The following PHF8 variants were observed in gnomAD, a reference collection of about 807,000 sequenced individuals.
PHF8 encodes PHD finger protein 8.
In PHF8, 9 loss-of-function variants were observed where a neutral mutation model predicts 74.4. The observed-to-expected ratio is 0.12, with a 90% CI of 0.07 to 0.21. The LOEUF (loss-of-function observed/expected upper bound fraction) is 0.21. Among genes scored for constraint, PHF8 ranks in the 10% least tolerant of loss-of-function variants. PHF8 has a pLI of 1.00. For missense variants in PHF8, 478 were observed against 816.6 expected, an observed-to-expected ratio of 0.59 and a Z score of 5.05; for synonymous variants, 311 against 316.6, an observed-to-expected ratio of 0.98 and a Z score of 0.19.
At chrX:54,037,815 C>CA (rs1285166463) in intron 2 of PHF8, among the ~76,000 whole-genome samples, 2 of 112,592 alleles carry the variant, frequency 1.8e-5, no homozygotes, top group East Asian at 5.5e-4. Flanking sequence ...GAGTGGAACA[C>CA]TAGCTTGTGC....
intron 14 of PHF8, among the ~76,000 whole-genome samples, chrX:53,991,384 G>A (rs1263487608): frequency 1.8e-5 from 2 of 111,256 alleles, no homozygotes; most frequent in Non-Finnish European, 3.8e-5. Flanking sequence ...TAACAAGGCC[G>A]GGCATGTTGG....
chrX:54,026,433 T>G (rs1292648054), intron 2 of PHF8, among the ~76,000 whole-genome samples: 2 of 109,714 alleles, frequency 1.8e-5, no homozygotes, highest in Non-Finnish European at 3.8e-5. Context: ...TCTCTCATTA[T>G]CTACTGTGGC....
At chrX:53,955,704 G>C (rs1557088536) in intron 19 of PHF8, among the ~76,000 whole-genome samples, 1 of 109,256 alleles carries the variant, frequency 9.2e-6, no homozygotes, top group Non-Finnish European at 1.9e-5. Context: ...GAATGCCTTA[G>C]TAGAATGCAT....
At chrX:54,037,447 A>G (rs2066483598) in intron 2 of PHF8, among the ~76,000 whole-genome samples, 1 of 111,273 alleles carries the variant, frequency 9.0e-6, no homozygotes, top group Non-Finnish European at 1.9e-5. Flanking sequence ...GGGTTTTACC[A>G]TGTTGCCCAG....
rs189850780 is a variant in PHF8, at chrX:54,035,633, C to T, written c.98+6998G>A. Among the ~76,000 whole-genome samples the T allele has an allele frequency of 2.7e-5, 3 of 109,739 alleles. No individual in the cohort carries two copies. The Admixed American group carries it at 2.9e-4, about 11-fold the overall frequency. On this transcript the variant is annotated intron_variant, in intron 2 of 21. Transcript: ENST00000338154. ...ACCACCAACCTACACCCACACCCTC[C>T]CCACACAAAAAATTTTAAAAATTAG...
At chrX:54,046,864 T>C (rs2066637272), upstream of PHF8, among the ~76,000 whole-genome samples, 2 of 111,405 alleles carry the variant, frequency 1.8e-5, no homozygotes, top group Non-Finnish European at 1.9e-5. Context: ...AATTTTTAAA[T>C]AACAAATATC....
Position 53,938,233 on chromosome X carries a change from C to T in PHF8, c.*925G>A. The T allele has an allele frequency of 9.5e-7, 1 of 1,048,307 alleles. No homozygotes were observed. The highest frequency in any genetic ancestry group is 1.2e-6 in the Non-Finnish European group (1 of 818,554). 86.4% of individuals were successfully genotyped at this position (1,048,307 alleles called of 1,213,427 possible). ...TGCTCTGTGGTATAGGCGGAGCAAG[C>T]AGGCTGTAGGGCCAGGGTTATCTGC... On this transcript the variant is annotated 3_prime_UTR_variant, in exon 22 of 22. Coordinates refer to ENST00000338154, the MANE Select transcript of PHF8 (RefSeq NM_015107.3).
intron 2 of PHF8, among the ~76,000 whole-genome samples, chrX:54,035,272 G>A (rs781792304): frequency 1.9e-4 from 20 of 106,238 alleles, no homozygotes; most frequent in Non-Finnish European, 3.5e-4. Flanking sequence ...TGGGAGAATC[G>A]CTTGAACCCA....
At chrX:54,014,247 G>A (rs1252485466) in intron 7 of PHF8, 130 bp downstream of exon 7, 13 of 531,332 alleles carry the variant, frequency 2.4e-5, no homozygotes, top group African/African-American at 2.3e-5. Flanking sequence ...GAGCCACCGC[G>A]CCCGGCCAAA....
At chrX:53,943,152 T>C in intron 20 of PHF8, 2 of 856,989 alleles carry the variant, frequency 2.3e-6, no homozygotes, top group South Asian at 6.6e-5. Flanking sequence ...TATAAAACAG[T>C]AGAACCCCCT....
chrX:54,022,328 T>G lies in PHF8; in HGVS notation c.224A>C (p.His75Pro). The change falls in exon 4 of 22, where the codon CAC becomes CCC. Residue 75 changes from histidine to proline, a missense_variant. This residue lies in a region of PHF8 where 28 missense variants were observed against 33.4 expected (regional missense o/e 0.84). Coordinates refer to ENST00000338154, the MANE Select transcript of PHF8 (RefSeq NM_015107.3). ...RRGSSKGHDT[H>P]KGKPVKTGSP... ...CCCGGTCTTCACTGGTTTCCCCTTG[T>G]GTGTATCATGCCCCTTTGAAGATCC... The G allele has an allele frequency of 8.3e-7, 1 of 1,206,302 alleles. No homozygotes were observed. The highest frequency in any genetic ancestry group is 1.1e-6 in the Non-Finnish European group (1 of 890,439).
chrX:53,993,714 C>T lies in PHF8; in HGVS notation c.1513G>A (p.Glu505Lys), dbSNP rs1557102037. 8.3e-7 allele frequency: 1 copy of T among 1,211,533 alleles called. No individual in the cohort carries two copies. The highest frequency in any genetic ancestry group is 1.1e-6 in the Non-Finnish European group (1 of 894,881). The change falls in exon 13 of 22, where the codon GAG becomes AAG. Residue 505 changes from glutamate to lysine, a missense_variant. This residue lies in a region of PHF8 where 153 missense variants were observed against 164.8 expected (regional missense o/e 0.93). Transcript: ENST00000338154. Reference sequence around the variant, plus strand: ...GCTGAACTCTCCTTGCCCTTTCGCTCTGCCTTCTTGAAGAGTTCCTTGGGC... The same window carrying T: ...GCTGAACTCTCCTTGCCCTTTCGCTTTGCCTTCTTGAAGAGTTCCTTGGGC... ...LKPKELFKKA[E>K]RKGKESSALG...
intron 19 of PHF8, among the ~76,000 whole-genome samples, chrX:53,946,968 T>C (rs1236949690): frequency 8.9e-6 from 1 of 111,957 alleles, no homozygotes; most frequent in Non-Finnish European, 1.9e-5. Flanking sequence ...TTAATAACTG[T>C]TCATTCTCAC....
chrX:53,940,739 T>C (rs1557083291), intron 20 of PHF8, among the ~76,000 whole-genome samples: 1 of 112,162 alleles, frequency 8.9e-6, no homozygotes, highest in African/African-American at 3.2e-5. Context: ...CTGTCACTTA[T>C]TAGTACAGTG....
In PHF8 at chrX:53,939,078, T is replaced by G. The variant is rs1164151594; in HGVS notation, c.*80A>C. The stretch of plus-strand genomic sequence containing the variant: ...ACCTCAGCACCTTGTCCAGGGCAGA[T>G]AGGATCCAGGAGTGCCCCAAGAGTT... On this transcript the variant is annotated 3_prime_UTR_variant, in exon 22 of 22. Coordinates refer to ENST00000338154, the MANE Select transcript of PHF8 (RefSeq NM_015107.3). 19 of 1,180,221 alleles carry G rather than the reference T, an allele frequency of 1.6e-5. No individual in the cohort carries two copies. Among genetic ancestry groups the G allele is most frequent in the Non-Finnish European group, 2.2e-5 (19 of 879,850 alleles).
intron 2 of PHF8, among the ~76,000 whole-genome samples, chrX:54,026,353 CAAAAAAAAA>C (rs1192940345): frequency 4.1e-5 from 2 of 48,538 alleles, no homozygotes; most frequent in African/African-American, 1.5e-4. Flanking sequence ...GATTCCATCT[CAAAAAAAAA>C]AAAAAAAAAA....
chrX:53,943,781 C>T (rs941114896), intron 20 of PHF8, among the ~76,000 whole-genome samples: 1 of 111,847 alleles, frequency 8.9e-6, no homozygotes, highest in Non-Finnish European at 1.9e-5. Context: ...AGAACTTGAG[C>T]GTACTCAGCT....
chrX:53,952,957 T>C (rs1189303788), intron 19 of PHF8, among the ~76,000 whole-genome samples: 1 of 107,617 alleles, frequency 9.3e-6, no homozygotes, highest in Non-Finnish European at 1.9e-5. Context: ...TAAATTAAGT[T>C]GTTAATCCCC....
chrX:53,964,175 T>C (rs1323989075), intron 18 of PHF8, among the ~76,000 whole-genome samples: 7 of 108,504 alleles, frequency 6.5e-5, no homozygotes, highest in South Asian at 4.1e-4. Context: ...TAAGTGAGAG[T>C]TGAACAATGA....
Sources: allele counts gnomAD v4.1 joint callset (sites outside exome capture counted in the v4.1 genomes callset), GRCh38; gene constraint gnomAD v4.1.1; regional missense constraint gnomAD v4.1.1; transcripts MANE v1.5; gene names NCBI Gene and HGNC (gene_info 2026-07-23, HGNC 2026-07-21).